The following RSRC1 variants were observed in gnomAD, a reference collection of about 807,000 sequenced individuals.
RSRC1 encodes the protein arginine and serine rich coiled-coil 1.
RSRC1 carries 39 observed loss-of-function variants against 49.1 expected under a neutral mutation model. The observed-to-expected ratio is 0.79, with a 90% CI of 0.61 to 1.04. The LOEUF (loss-of-function observed/expected upper bound fraction) is 1.04. Ranked by LOEUF, RSRC1 falls within the 50% of genes least tolerant of loss-of-function variation. The pLI, the probability that RSRC1 is intolerant of heterozygous loss-of-function variation, is 0.00. For missense variants in RSRC1, 388 were observed against 402.4 expected (o/e 0.96, Z 0.31); for synonymous variants, 143 against 130.8 (o/e 1.09, Z -0.63).
chr3:158,453,572 A>G (rs897364151), intron 6 of RSRC1, among the ~76,000 whole-genome samples: 1 of 151,810 alleles, frequency 6.6e-6, no homozygotes, highest in African/African-American at 2.4e-5. Context: ...TCATAGAAAC[A>G]GGGTCTCACC....
intron 6 of RSRC1, among the ~76,000 whole-genome samples, chr3:158,453,150 G>A (rs945263736): frequency 1.3e-5 from 2 of 151,450 alleles, no homozygotes; most frequent in Admixed American, 6.6e-5. Flanking sequence ...TATTTAGGTT[G>A]TTTGCTTTTT....
At chr3:158,180,393 CTTTT>C (rs1163298458) in intron 3 of RSRC1, among the ~76,000 whole-genome samples, 18 of 38,526 alleles carry the variant, frequency 4.7e-4, no homozygotes, top group African/African-American at 9.0e-4. Context: ...GGTCGAGGTT[CTTTT>C]TTTTTTTTTT....
At chr3:158,321,433 A>C (rs1265817379) in intron 5 of RSRC1, among the ~76,000 whole-genome samples, 1 of 151,958 alleles carries the variant, frequency 6.6e-6, no homozygotes, top group Non-Finnish European at 1.5e-5. Flanking sequence ...GCGTGGTTTT[A>C]ATTTTATTGG....
At chr3:158,364,933 C>G (rs997093976) in intron 6 of RSRC1, among the ~76,000 whole-genome samples, 1 of 150,740 alleles carries the variant, frequency 6.6e-6, no homozygotes, top group African/African-American at 2.4e-5. Flanking sequence ...TAATGTGTAC[C>G]TTATAGAGAT....
At chr3:158,243,408 T>G (rs1279320477) in intron 4 of RSRC1, among the ~76,000 whole-genome samples, 1 of 152,202 alleles carries the variant, frequency 6.6e-6, no homozygotes, top group African/African-American at 2.4e-5. Context: ...GGTCTGTGTG[T>G]CTGTTTTTGT....
intron 4 of RSRC1, among the ~76,000 whole-genome samples, chr3:158,256,301 AGC>A (rs1177809204): frequency 1.3e-5 from 2 of 152,090 alleles, no homozygotes; most frequent in Non-Finnish European, 2.9e-5. Context: ...TGGCCTTTTC[AGC>A]ACCTCTCGAG....
At chr3:158,378,625 C>T (rs375822515) in intron 6 of RSRC1, among the ~76,000 whole-genome samples, 1 of 152,166 alleles carries the variant, frequency 6.6e-6, no homozygotes, top group East Asian at 1.9e-4. Flanking sequence ...ATGTCCTGAA[C>T]GGGAGTGCTT....
chr3:158,268,511 C>G (rs910054686), intron 4 of RSRC1, among the ~76,000 whole-genome samples: 1 of 152,146 alleles, frequency 6.6e-6, no homozygotes, highest in Non-Finnish European at 1.5e-5. Flanking sequence ...AGGCTGGGGT[C>G]TTCTACTATT....
chr3:158,406,096 C>T (rs1006361456), intron 6 of RSRC1, among the ~76,000 whole-genome samples: 6 of 151,952 alleles, frequency 3.9e-5, no homozygotes, highest in African/African-American at 1.4e-4. Context: ...CAGAAGAAGA[C>T]ATTTTGAAAT....
At chr3:158,471,494 A>T (rs1229771314) in intron 7 of RSRC1, among the ~76,000 whole-genome samples, 1 of 152,194 alleles carries the variant, frequency 6.6e-6, no homozygotes, top group Admixed American at 6.5e-5. Flanking sequence ...AGGAGAGATC[A>T]GGGTAATGGG....
intron 4 of RSRC1, among the ~76,000 whole-genome samples, chr3:158,240,937 T>G (rs1448663019): frequency 2.0e-5 from 3 of 152,176 alleles, no homozygotes; most frequent in Non-Finnish European, 2.9e-5. Context: ...AAATCACATT[T>G]TTATAACTTT....
At chr3:158,171,673 G>C (rs557441598) in intron 3 of RSRC1, among the ~76,000 whole-genome samples, 4 of 152,210 alleles carry the variant, frequency 2.6e-5, no homozygotes, top group African/African-American at 9.6e-5. Context: ...TAAATGGCCT[G>C]GTGTGGTGGC....
At chr3:158,300,666 AAT>A (rs1727491301) in intron 5 of RSRC1, among the ~76,000 whole-genome samples, 1 of 152,218 alleles carries the variant, frequency 6.6e-6, no homozygotes, top group South Asian at 2.1e-4. Context: ...AGTGTTAAAA[AAT>A]ATATGATAAT....
intron 5 of RSRC1, among the ~76,000 whole-genome samples, chr3:158,344,357 A>G (rs1730431603): frequency 6.6e-6 from 1 of 152,238 alleles, no homozygotes; most frequent in Non-Finnish European, 1.5e-5. Context: ...TCTTAAAAAC[A>G]GAGAAAAATA....
chr3:158,218,803 C>T (rs896117244), intron 4 of RSRC1, among the ~76,000 whole-genome samples: 1 of 151,568 alleles, frequency 6.6e-6, no homozygotes, highest in East Asian at 1.9e-4. Flanking sequence ...GGATGTGACC[C>T]ATGGGCCACA....
chr3:158,375,758 C>T (rs1378002431), intron 6 of RSRC1, among the ~76,000 whole-genome samples: 1 of 152,056 alleles, frequency 6.6e-6, no homozygotes, highest in Non-Finnish European at 1.5e-5. Flanking sequence ...TTAAATTTTA[C>T]TTCCTATCAC....
At chr3:158,351,967 A>G (rs1730905635) in intron 5 of RSRC1, among the ~76,000 whole-genome samples, 1 of 148,868 alleles carries the variant, frequency 6.7e-6, no homozygotes. Flanking sequence ...AAATATTATA[A>G]TTAGCCATCA....
At chr3:158,388,521 A>G (rs1733082821) in intron 6 of RSRC1, among the ~76,000 whole-genome samples, 1 of 152,190 alleles carries the variant, frequency 6.6e-6, no homozygotes. Flanking sequence ...TTGTTTACAA[A>G]CAGCAATATA....
At chr3:158,123,314 T>G (rs556446886) in intron 2 of RSRC1, among the ~76,000 whole-genome samples, 4 of 152,062 alleles carry the variant, frequency 2.6e-5, no homozygotes, top group African/African-American at 9.6e-5. Flanking sequence ...GCCTTAATTT[T>G]AAATTTTTTT....
Sources: gnomAD v4.1 joint callset for allele counts (sites outside exome capture counted in the v4.1 genomes callset) on GRCh38, gnomAD v4.1.1 for gene constraint, MANE v1.5 for transcripts, NCBI Gene and HGNC (gene_info 2026-07-23, HGNC 2026-07-21) for gene names.